PFKFB3: variants seen among roughly 807,000 people sequenced by gnomAD.
The protein encoded by PFKFB3 is 6-phosphofructo-2-kinase/fructose-2,6-biphosphatase 3.
Under a neutral mutation model 68.0 loss-of-function variants are expected in PFKFB3, and 33 were observed. That is an observed-to-expected ratio of 0.49 (90% CI 0.37 to 0.65). PFKFB3 has a LOEUF of 0.65. PFKFB3 is among the 30% of genes least tolerant of loss of function. The pLI, the probability that PFKFB3 is intolerant of heterozygous loss-of-function variation, is 0.00. For missense variants in PFKFB3, 586 were observed against 712.2 expected (o/e 0.82, Z 2.02); for synonymous variants, 315 against 288.2 (o/e 1.09, Z -0.94).
intron 14 of PFKFB3, among the ~76,000 whole-genome samples, chr10:6,253,171 G>T (rs1846416929): frequency 6.6e-6 from 1 of 152,156 alleles, no homozygotes; most frequent in Non-Finnish European, 1.5e-5. Flanking sequence ...ACACGCCTCG[G>T]CCTCCTAAAG....
chr10:6,233,202 G>GA lies in PFKFB3; in HGVS notation c.*260_*261insA. ...TCCACTCTCTGGGTTTCCTAGGAATGTCCAGCCTCGGAGACCTTCACAAAG... is the reference window on the plus strand; with the variant it reads ...TCCACTCTCTGGGTTTCCTAGGAATGATCCAGCCTCGGAGACCTTCACAAAG... On this transcript the variant is annotated 3_prime_UTR_variant, in exon 15 of 15. Coordinates refer to ENST00000379775, the MANE Select transcript of PFKFB3 (RefSeq NM_004566.4). 1 of 480,154 alleles carries GA rather than the reference G, an allele frequency of 2.1e-6. No homozygotes were observed. Among genetic ancestry groups the GA allele is most frequent in the Non-Finnish European group, 3.8e-6 (1 of 265,562 alleles). 29.7% of individuals were successfully genotyped at this position (480,154 alleles called of 1,614,324 possible).
chr10:6,212,354 C>A (rs2131928856), intron 1 of PFKFB3, among the ~76,000 whole-genome samples: 1 of 152,344 alleles, frequency 6.6e-6, no homozygotes, highest in East Asian at 1.9e-4. Flanking sequence ...AGCAAAACCC[C>A]CCTTCCTGCT....
intron 14 of PFKFB3, among the ~76,000 whole-genome samples, chr10:6,231,075 G>C (rs1845708177): frequency 6.6e-6 from 1 of 152,126 alleles, no homozygotes; most frequent in Non-Finnish European, 1.5e-5. Context: ...CAACTGTCCG[G>C]ACCTGGTGCT....
rs1293995655 is a variant in PFKFB3, at chr10:6,224,023, G to A, written c.1276+3G>A. 6.2e-7 allele frequency: 1 copy of A among 1,614,200 alleles called. No homozygotes were observed. The highest frequency in any genetic ancestry group is 8.5e-7 in the Non-Finnish European group (1 of 1,179,998). ...GAAACTGACGCCTGTCGCTTATGGT[G>A]AGTAGCAACCCCTGCCAAGCCCTGT... is the stretch of plus-strand genomic sequence containing the variant. On this transcript the variant is annotated splice_donor_region_variant and intron_variant, in intron 12 of 14. Coordinates refer to ENST00000379775, the MANE Select transcript of PFKFB3 (RefSeq NM_004566.4).
intron 14 of PFKFB3, among the ~76,000 whole-genome samples, chr10:6,252,002 G>A (rs1030375624): frequency 6.6e-6 from 1 of 151,908 alleles, no homozygotes; most frequent in East Asian, 1.9e-4. Context: ...TAAAATAAAG[G>A]CCTTATGAGA....
intron 11 of PFKFB3, 143 bp downstream of exon 11, chr10:6,223,127 C>G: frequency 1.3e-6 from 1 of 779,788 alleles, no homozygotes; most frequent in Non-Finnish European, 2.0e-6. Context: ...GGTGTCGGCT[C>G]CCGGCTGCTT....
the PFKFB3 span, among the ~76,000 whole-genome samples, chr10:6,286,005 T>C: frequency 1.5e-5 from 2 of 130,238 alleles, no homozygotes; most frequent in East Asian, 2.5e-4. Context: ...TGAGATGGAG[T>C]CTCGCTCTGT....
At chr10:6,248,304 T>C (rs1045700448) in intron 14 of PFKFB3, among the ~76,000 whole-genome samples, 1 of 152,174 alleles carries the variant, frequency 6.6e-6, no homozygotes, top group Non-Finnish European at 1.5e-5. Flanking sequence ...TCAAAATGCA[T>C]TTCTCAAACC....
At chr10:6,219,728 A>G in intron 7 of PFKFB3, 35 bp downstream of exon 7, 1 of 1,604,296 alleles carries the variant, frequency 6.2e-7, no homozygotes, top group Middle Eastern at 1.9e-4. Flanking sequence ...TGCAAGACCC[A>G]CATGAGGGTT....
At chr10:6,262,187 G>T in the PFKFB3 span, among the ~76,000 whole-genome samples, 19 of 152,140 alleles carry the variant, frequency 1.2e-4, no homozygotes, top group South Asian at 3.7e-3. Flanking sequence ...GGGCGTGGTG[G>T]CTCACGCCTG....
chr10:6,287,196 C>A, the PFKFB3 span, among the ~76,000 whole-genome samples: 1 of 152,180 alleles, frequency 6.6e-6, no homozygotes, highest in East Asian at 1.9e-4. Context: ...AAGCAATTAT[C>A]TTGCCTCAGC....
rs770814638 is a variant in PFKFB3, at chr10:6,219,524, A to C, written c.499-45A>C. 4.3e-6 allele frequency: 7 copies of C among 1,612,430 alleles called. No individual in the cohort carries two copies. The South Asian group carries it at 7.7e-5, about 18-fold the overall frequency. ...CAAATCCTGCTTAATCTCAGCAGAAAGCCTTCCAGCGTGATTTATCAGCCA... is the reference window on the plus strand; with the variant it reads ...CAAATCCTGCTTAATCTCAGCAGAACGCCTTCCAGCGTGATTTATCAGCCA... On this transcript the variant is annotated intron_variant, in intron 6 of 14. Transcript: ENST00000379775.
chr10:6,206,627 A>G lies in PFKFB3; in HGVS notation c.76+3291A>G, dbSNP rs1401589804. ...CGGACGGGGTGGCTGCCGGGCGGAGACGCTCCTCACATCCCAGATGGGGCG... is the reference window on the plus strand; with the variant it reads ...CGGACGGGGTGGCTGCCGGGCGGAGGCGCTCCTCACATCCCAGATGGGGCG... On this transcript the variant is annotated intron_variant, in intron 1 of 14. Transcript: ENST00000379775. Among the ~76,000 whole-genome samples, 716 of 147,928 alleles carry G rather than the reference A, an allele frequency of 4.8e-3. 9 individuals carry two copies. Among genetic ancestry groups the G allele is most frequent in the African/African-American group, 0.017 (658 of 39,116 alleles).
chr10:6,303,357 G>C, the PFKFB3 span, among the ~76,000 whole-genome samples: 1 of 152,106 alleles, frequency 6.6e-6, no homozygotes, highest in African/African-American at 2.4e-5. Context: ...TGAGCACATG[G>C]TGCAATGTAG....
At chr10:6,299,636 C>CCTTAT in the PFKFB3 span, among the ~76,000 whole-genome samples, 5 of 152,208 alleles carry the variant, frequency 3.3e-5, no homozygotes, top group African/African-American at 1.2e-4. Flanking sequence ...CAAATCTTCT[C>CCTTAT]CTTATACAGG....
chr10:6,195,891 C>G (rs1843162623), intron 1 of PFKFB3, among the ~76,000 whole-genome samples: 1 of 152,126 alleles, frequency 6.6e-6, no homozygotes, highest in South Asian at 2.1e-4. Context: ...GAGGTGAGGC[C>G]CGTCACTACT....
chr10:6,180,415 T>C (rs1453982291), intron 1 of PFKFB3, among the ~76,000 whole-genome samples: 1 of 152,216 alleles, frequency 6.6e-6, no homozygotes, highest in Non-Finnish European at 1.5e-5. Flanking sequence ...TAGCCATTGT[T>C]AACATTTCAA....
intron 1 of PFKFB3, among the ~76,000 whole-genome samples, chr10:6,189,088 C>T (rs1407964012): frequency 6.6e-6 from 1 of 152,162 alleles, no homozygotes; most frequent in East Asian, 1.9e-4. Context: ...ATCCGCCCGC[C>T]TTGGCCTCCC....
chr10:6,221,744 A>C lies in PFKFB3; in HGVS notation c.1082A>C (p.Glu361Ala). ...TACTATTACCGCTACCCCACCGGGGAGGTGAGCGCAGGCTGGGGCGGGCTG... is the reference window on the plus strand; with the variant it reads ...TACTATTACCGCTACCCCACCGGGGCGGTGAGCGCAGGCTGGGGCGGGCTG... Reference protein sequence around the residue: ...DKYYYRYPTGESYQDLVQRLE... With the variant: ...DKYYYRYPTGASYQDLVQRLE... The change falls in exon 10 of 15, where the codon GAG becomes GCG. Residue 361 changes from glutamate to alanine, a missense_variant and splice_region_variant. Physicochemically the swap from Glu to Ala is moderately radical, Grantham distance 107. Coordinates refer to ENST00000379775, the MANE Select transcript of PFKFB3 (RefSeq NM_004566.4). 6.3e-7 allele frequency: 1 copy of C among 1,587,352 alleles called. No homozygotes were observed. The highest frequency in any genetic ancestry group is 8.6e-7 in the Non-Finnish European group (1 of 1,166,630).
Sources: allele counts gnomAD v4.1 joint callset (sites outside exome capture counted in the v4.1 genomes callset), GRCh38; gene constraint gnomAD v4.1.1; transcripts MANE v1.5; gene names NCBI Gene and HGNC (gene_info 2026-07-23, HGNC 2026-07-21).